HECW2: variants seen among roughly 807,000 people sequenced by gnomAD.
HECW2 encodes E3 ubiquitin-protein ligase HECW2.
HECW2 carries 61 observed loss-of-function variants against 175.2 expected under a neutral mutation model. That is an observed-to-expected ratio of 0.35 (90% CI 0.28 to 0.43). The LOEUF is 0.43. HECW2 is among the 20% of genes least tolerant of loss of function. The pLI is 1.00. For synonymous variants in HECW2, 671 were observed against 731.0 expected (o/e 0.92, Z 1.32); for missense variants, 1,524 against 2,000.5 (o/e 0.76, Z 4.54).
intron 1 of HECW2, among the ~76,000 whole-genome samples, chr2:196,559,072 A>G (rs1689907492): frequency 6.6e-6 from 1 of 152,204 alleles, no homozygotes; most frequent in Non-Finnish European, 1.5e-5. Context: ...ATCAGAGACT[A>G]AATAACTGCT....
At chr2:196,320,606 C>T (rs942328538) in intron 7 of HECW2, among the ~76,000 whole-genome samples, 167 bp from the exon 8 acceptor site, 1 of 152,180 alleles carries the variant, frequency 6.6e-6, no homozygotes, top group Non-Finnish European at 1.5e-5. Flanking sequence ...ATTATTCATT[C>T]ATACAAATGG....
chr2:196,244,628 T>G (rs1370825683), intron 19 of HECW2, among the ~76,000 whole-genome samples: 4 of 152,028 alleles, frequency 2.6e-5, no homozygotes, highest in Non-Finnish European at 5.9e-5. Flanking sequence ...AAAAAAGAAA[T>G]GAGTATAAGT....
chr2:196,355,624 T>C (rs1321661756), intron 2 of HECW2, among the ~76,000 whole-genome samples: 1 of 152,130 alleles, frequency 6.6e-6, no homozygotes, highest in Non-Finnish European at 1.5e-5. Context: ...ACAGCAATTA[T>C]AGAAGGGATA....
intron 19 of HECW2, among the ~76,000 whole-genome samples, chr2:196,253,436 C>T (rs1251607008): frequency 6.6e-6 from 1 of 152,216 alleles, no homozygotes; most frequent in African/African-American, 2.4e-5. Context: ...TGAATGTACA[C>T]ATTTCAGGTT....
chr2:196,401,615 A>G (rs1694818656), intron 2 of HECW2, among the ~76,000 whole-genome samples: 1 of 152,236 alleles, frequency 6.6e-6, no homozygotes, highest in Non-Finnish European at 1.5e-5. Context: ...TATTAGGTTC[A>G]GGTGACATAT....
chr2:196,256,710 T>C (rs951001088), intron 18 of HECW2, among the ~76,000 whole-genome samples: 1 of 152,146 alleles, frequency 6.6e-6, no homozygotes, highest in Non-Finnish European at 1.5e-5. Context: ...AACATCACAC[T>C]CTAACGTTAA....
At position 196,319,091 on chromosome 2, in the gene HECW2, G is replaced by A. The variant is rs752497615; in HGVS notation, c.1799C>T (p.Ser600Phe). The A allele has an allele frequency of 1.9e-6, 3 of 1,602,804 alleles. No homozygotes were observed. Among genetic ancestry groups the A allele is most frequent in the South Asian group, 1.1e-5 (1 of 89,232 alleles). The change falls in exon 9 of 29, where the codon TCT becomes TTT. Residue 600 changes from serine to phenylalanine, a missense_variant. This residue lies in a region of HECW2 where 604 missense variants were observed against 588.3 expected (regional missense o/e 1.03). Transcript: ENST00000644978. ...GGAAGGCTCAGAGCCCTGATCGAGA[G>A]ACTCGGTCTCACTGACGGCTCTTCG... ...GSRRAVSETE[S>F]LDQGSEPSQV...
At chr2:196,275,456 A>T (rs1689907592) in intron 15 of HECW2, among the ~76,000 whole-genome samples, 1 of 152,128 alleles carries the variant, frequency 6.6e-6, no homozygotes, top group South Asian at 2.1e-4. Context: ...CCTATTAAGA[A>T]TGCGGGAAAT....
intron 1 of HECW2, among the ~76,000 whole-genome samples, chr2:196,543,858 C>A (rs180899857): frequency 1.3e-5 from 2 of 152,206 alleles, no homozygotes; most frequent in African/African-American, 4.8e-5. Context: ...GTGATCTGCC[C>A]GCCTCGGCCT....
chr2:196,583,143 T>C (rs1575697398), intron 1 of HECW2, among the ~76,000 whole-genome samples: 1 of 152,168 alleles, frequency 6.6e-6, no homozygotes, highest in East Asian at 1.9e-4. Context: ...CAACCTCTCC[T>C]AGTTTCTCAT....
At chr2:196,569,954 G>A (rs1293099518) in intron 1 of HECW2, among the ~76,000 whole-genome samples, 1 of 152,214 alleles carries the variant, frequency 6.6e-6, no homozygotes, top group Admixed American at 6.5e-5. Context: ...CTGAACCCAG[G>A]AGTTCAAGCC....
At chr2:196,249,284 G>T (rs1022964556) in intron 19 of HECW2, among the ~76,000 whole-genome samples, 4 of 152,068 alleles carry the variant, frequency 2.6e-5, no homozygotes, top group African/African-American at 9.7e-5. Context: ...TTTCCTTCTG[G>T]CATCACTGAG....
rs573997487 is a variant in HECW2, at chr2:196,384,592, T to C, written c.293-40828A>G. ...GCAAGACCCTGTCTCCAAAAAAAAA[T>C]TGTTTTAATCATAAGGTGGCAAATA... On this transcript the variant is annotated intron_variant, in intron 2 of 28. Transcript: ENST00000644978. 2.1e-3 allele frequency among the ~76,000 whole-genome samples: 313 copies of C among 151,990 alleles called. 1 individual carries two copies. The highest frequency in any genetic ancestry group is 6.9e-3 in the African/African-American group (288 of 41,452).
intron 14 of HECW2, among the ~76,000 whole-genome samples, chr2:196,283,542 C>T (rs1024246802): frequency 1.8e-4 from 27 of 151,890 alleles, no homozygotes; most frequent in African/African-American, 5.1e-4. Context: ...CGCTACCACA[C>T]CTAATTTTTT....
intron 1 of HECW2, among the ~76,000 whole-genome samples, chr2:196,497,471 T>C (rs1410828916): frequency 6.6e-6 from 1 of 152,192 alleles, no homozygotes; most frequent in East Asian, 1.9e-4. Flanking sequence ...ATTGTTGACT[T>C]AACTGAATGA....
At chr2:196,560,884 C>G (rs1476865885) in intron 1 of HECW2, among the ~76,000 whole-genome samples, 1 of 152,186 alleles carries the variant, frequency 6.6e-6, no homozygotes, top group Non-Finnish European at 1.5e-5. Context: ...CTGTCATCTT[C>G]GTAAGCTGAG....
At chr2:196,219,664 AAAGGGTGTGCTTTTCT>A (rs1310881455) in intron 26 of HECW2, among the ~76,000 whole-genome samples, 1 of 152,240 alleles carries the variant, frequency 6.6e-6, no homozygotes, top group Non-Finnish European at 1.5e-5. Context: ...TGGGAAGCTC[AAAGGGTGTGCTTTTCT>A]AAGTTTTAGA....
chr2:196,408,271 G>GA (rs1695017810), intron 2 of HECW2, among the ~76,000 whole-genome samples: 1 of 152,144 alleles, frequency 6.6e-6, no homozygotes, highest in Admixed American at 6.5e-5. Context: ...TGGTATAATG[G>GA]AAAAACATTG....
At chr2:196,420,876 A>G (rs1695390262) in intron 2 of HECW2, among the ~76,000 whole-genome samples, 2 of 152,206 alleles carry the variant, frequency 1.3e-5, no homozygotes, top group Non-Finnish European at 1.5e-5. Context: ...CTAATGTGGA[A>G]GAAGGGGTTT....
Sources: allele counts gnomAD v4.1 joint callset (sites outside exome capture counted in the v4.1 genomes callset), GRCh38; gene constraint gnomAD v4.1.1; regional missense constraint gnomAD v4.1.1; transcripts MANE v1.5; gene names NCBI Gene and HGNC (gene_info 2026-07-23, HGNC 2026-07-21).